IL1RAPL1: variants seen among roughly 807,000 people sequenced by gnomAD.
IL1RAPL1 encodes the protein interleukin-1 receptor accessory protein-like 1.
IL1RAPL1 carries 3 observed loss-of-function variants against 48.4 expected under a neutral mutation model. The ratio of observed to expected loss-of-function variants is 0.06; its 90% CI spans 0.03 to 0.16. The LOEUF (loss-of-function observed/expected upper bound fraction) is 0.16, where lower values mean the gene tolerates loss of function less well. Among genes scored for constraint, IL1RAPL1 ranks in the 10% least tolerant of loss-of-function variants. The probability of loss-of-function intolerance (pLI) is 1.00; values close to 1 mark genes in which losing one functional copy is unlikely to be tolerated. For synonymous variants in IL1RAPL1, 185 were observed against 187.7 expected, an observed-to-expected ratio of 0.99 and a Z score of 0.12; for missense variants, 349 against 530.6, an observed-to-expected ratio of 0.66 and a Z score of 3.36.
At chrX:29,310,618 C>T (rs1242395031) in intron 3 of IL1RAPL1, among the ~76,000 whole-genome samples, 1 of 96,704 alleles carries the variant, frequency 1.0e-5, no homozygotes, top group African/African-American at 5.7e-5. Flanking sequence ...ATTGAGAAAT[C>T]ACACACACAC....
chrX:28,843,517 A>G (rs1205859886), intron 2 of IL1RAPL1, among the ~76,000 whole-genome samples: 2 of 111,653 alleles, frequency 1.8e-5, no homozygotes, highest in African/African-American at 3.2e-5. Flanking sequence ...ATTATAAACA[A>G]TTTACTATGT....
At chrX:29,446,460 G>T (rs1569313017) in intron 5 of IL1RAPL1, among the ~76,000 whole-genome samples, 1 of 110,804 alleles carries the variant, frequency 9.0e-6, no homozygotes, top group Non-Finnish European at 1.9e-5. Context: ...TTTTTAAGGG[G>T]GAAAAAGACC....
chrX:29,528,628 C>G (rs1426499551), intron 5 of IL1RAPL1, among the ~76,000 whole-genome samples: 2 of 112,342 alleles, frequency 1.8e-5, no homozygotes, highest in African/African-American at 3.2e-5. Context: ...TCCATAAACT[C>G]TCTCACACTT....
chrX:28,778,211 A>G (rs1936379231), intron 1 of IL1RAPL1, among the ~76,000 whole-genome samples: 1 of 112,386 alleles, frequency 8.9e-6, no homozygotes. Context: ...AACAAACATC[A>G]TATATTAGAG....
intron 5 of IL1RAPL1, among the ~76,000 whole-genome samples, chrX:29,432,529 C>G (rs1439687618): frequency 9.0e-6 from 1 of 111,415 alleles, no homozygotes; most frequent in East Asian, 2.8e-4. Flanking sequence ...TAAAAATTAT[C>G]CCACCTTTTG....
chrX:29,271,932 T>C (rs1398764473), intron 2 of IL1RAPL1, among the ~76,000 whole-genome samples: 2 of 112,070 alleles, frequency 1.8e-5, no homozygotes, highest in Non-Finnish European at 3.8e-5. Context: ...TGTTTACTTT[T>C]GCTTTTGTTG....
At chrX:29,454,261 A>C (rs1247524922) in intron 5 of IL1RAPL1, among the ~76,000 whole-genome samples, 2 of 112,394 alleles carry the variant, frequency 1.8e-5, no homozygotes, top group African/African-American at 6.5e-5. Flanking sequence ...TGAAAGCTGA[A>C]GATCTGGAAA....
At chrX:29,550,910 A>T (rs1246073958) in intron 5 of IL1RAPL1, among the ~76,000 whole-genome samples, 2 of 112,091 alleles carry the variant, frequency 1.8e-5, no homozygotes, top group African/African-American at 6.5e-5. Flanking sequence ...TGGTTGTACA[A>T]CCATTACTAC....
chrX:28,999,571 A>G (rs773349932), intron 2 of IL1RAPL1, among the ~76,000 whole-genome samples: 4 of 111,496 alleles, frequency 3.6e-5, no homozygotes, highest in South Asian at 7.5e-4. Flanking sequence ...CCCACCTCCA[A>G]AGATTGTATA....
intron 6 of IL1RAPL1, among the ~76,000 whole-genome samples, chrX:29,677,579 C>A (rs1926321341): frequency 8.9e-6 from 1 of 111,799 alleles, no homozygotes; most frequent in African/African-American, 3.2e-5. Context: ...TGTGGTAATG[C>A]AGATTTTTAC....
chrX:29,545,237 ATC>A (rs1921588955), intron 5 of IL1RAPL1, among the ~76,000 whole-genome samples: 1 of 103,575 alleles, frequency 9.7e-6, no homozygotes, highest in Admixed American at 1.1e-4. Context: ...CTATCTATCT[ATC>A]TATTGGACAA....
At chrX:29,030,800 T>G (rs927650365) in intron 2 of IL1RAPL1, among the ~76,000 whole-genome samples, 1 of 111,250 alleles carries the variant, frequency 9.0e-6, no homozygotes, top group Non-Finnish European at 1.9e-5. Context: ...AGAAAAGAAA[T>G]GTTAATGAGA....
rs987501017 is a variant in IL1RAPL1, at chrX:28,706,291, G to A, written c.-24-83029G>A. 1.9e-4 allele frequency among the ~76,000 whole-genome samples: 21 copies of A among 112,378 alleles called. No homozygotes were observed. The East Asian group carries it at 2.8e-3, about 15-fold the overall frequency. On this transcript the variant is annotated intron_variant, in intron 1 of 10. Transcript: ENST00000378993. ...TAGCATAGGAGCAATAGGCCATACC[G>A]TATAGCCTAAGTATGTAATAGGCTG...
At chrX:29,866,935 A>G (rs1259679466) in intron 6 of IL1RAPL1, among the ~76,000 whole-genome samples, 3 of 110,828 alleles carry the variant, frequency 2.7e-5, no homozygotes, top group East Asian at 2.8e-4. Flanking sequence ...CTCTGTATGC[A>G]TCATACAATG....
chrX:29,087,919 C>A (rs1237466513), intron 2 of IL1RAPL1, among the ~76,000 whole-genome samples: 1 of 111,728 alleles, frequency 9.0e-6, no homozygotes, highest in Non-Finnish European at 1.9e-5. Flanking sequence ...GTAGCCCCAG[C>A]TATTCAGGAG....
chrX:29,129,121 G>A (rs1044296007), intron 2 of IL1RAPL1, among the ~76,000 whole-genome samples: 20 of 94,139 alleles, frequency 2.1e-4, no homozygotes, highest in Non-Finnish European at 2.8e-4. Context: ...TAGGCTCACC[G>A]CGACCTCCGC....
At chrX:29,507,019 C>T (rs1190728841) in intron 5 of IL1RAPL1, among the ~76,000 whole-genome samples, 2 of 109,742 alleles carry the variant, frequency 1.8e-5, no homozygotes, top group Non-Finnish European at 3.8e-5. Flanking sequence ...GACTGATTCT[C>T]TTATTCTCTG....
chrX:28,704,388 T>A (rs2146931494), intron 1 of IL1RAPL1, among the ~76,000 whole-genome samples: 1 of 105,237 alleles, frequency 9.5e-6, no homozygotes, highest in Admixed American at 1.1e-4. Context: ...CATCTGCATA[T>A]ATTTTTATTC....
chrX:28,600,065 A>G (rs1415616259), intron 1 of IL1RAPL1, among the ~76,000 whole-genome samples: 1 of 111,631 alleles, frequency 9.0e-6, no homozygotes, highest in Non-Finnish European at 1.9e-5. Flanking sequence ...GTGAGCCACC[A>G]ACGGCAGGAT....
Sources: allele counts gnomAD v4.1 joint callset (sites outside exome capture counted in the v4.1 genomes callset), GRCh38; gene constraint gnomAD v4.1.1; transcripts MANE v1.5; gene names NCBI Gene and HGNC (gene_info 2026-07-23, HGNC 2026-07-21).